BLM: variants seen among roughly 807,000 people sequenced by gnomAD.
BLM encodes BLM RecQ like helicase.
Under a neutral mutation model 135.3 loss-of-function variants are expected in BLM, and 95 were observed. The observed-to-expected ratio is 0.70, with a 90% CI of 0.59 to 0.83. The LOEUF (loss-of-function observed/expected upper bound fraction) is 0.83. Among genes scored for constraint, BLM ranks in the 40% least tolerant of loss-of-function variants. BLM has a pLI of 0.00. For synonymous variants in BLM, 520 were observed against 589.2 expected (o/e 0.88, Z 1.70); for missense variants, 1,518 against 1,663.9 (o/e 0.91, Z 1.53).
chr15:90,760,061 G>T, intron 5 of BLM, 86 bp from the exon 6 acceptor site: 1 of 1,360,710 alleles, frequency 7.3e-7, no homozygotes, highest in Non-Finnish European at 1.0e-6. Flanking sequence ...AAAGGGCTGG[G>T]ATTACAGTCA....
intron 1 of BLM, among the ~76,000 whole-genome samples, chr15:90,737,070 A>C (rs182663739): frequency 2.7e-5 from 4 of 145,502 alleles, no homozygotes; most frequent in Admixed American, 2.7e-4. Flanking sequence ...AATCACCCTG[A>C]AGGTGAGGTG....
chr15:90,815,539 A>G lies in BLM; in HGVS notation c.*260A>G. 1 of 496,306 alleles carries G rather than the reference A, an allele frequency of 2.0e-6. No individual in the cohort carries two copies. Among genetic ancestry groups the G allele is most frequent in the Non-Finnish European group, 3.6e-6 (1 of 279,948 alleles). The allele number at this position is 496,306 out of a possible 1,614,324, so 30.7% of individuals were successfully genotyped here. On this transcript the variant is annotated 3_prime_UTR_variant, in exon 22 of 22. Transcript: ENST00000355112. This position sits in a 1 kb window ranked among gnomAD's most constrained non-coding sequence, Gnocchi z 4.6. ...GGCAGCAGCTGAATCATCTCAGTGC[A>G]AGAGCTTCTGAGCATAACACGAAAC...
intron 12 of BLM, among the ~76,000 whole-genome samples, chr15:90,781,537 A>C (rs1388862747): frequency 6.6e-6 from 1 of 152,136 alleles, no homozygotes; most frequent in African/African-American, 2.4e-5. Flanking sequence ...GAGGCAGGAG[A>C]ATTGCTTGAA....
At chr15:90,720,291 A>C (rs1894731555) in intron 1 of BLM, among the ~76,000 whole-genome samples, 1 of 152,212 alleles carries the variant, frequency 6.6e-6, no homozygotes, top group East Asian at 1.9e-4. Flanking sequence ...GAAAAATACA[A>C]GTTGAAGACA....
chr15:90,720,772 T>C (rs1894743704), intron 1 of BLM, among the ~76,000 whole-genome samples: 1 of 152,128 alleles, frequency 6.6e-6, no homozygotes, highest in Admixed American at 6.6e-5. Context: ...CTTTTGATTT[T>C]TTGTAGAGAT....
In BLM at chr15:90,784,998, G is replaced by A. The variant is rs372013507; in HGVS notation, c.2740G>A (p.Ala914Thr). 100 of 1,614,024 alleles carry A rather than the reference G, an allele frequency of 6.2e-5. No homozygotes were observed. The highest frequency in any genetic ancestry group is 8.1e-5 in the Non-Finnish European group (95 of 1,180,044). The change falls in exon 14 of 22, where the codon GCT (alanine) becomes ACT (threonine). Residue 914 changes from alanine (A) to threonine (T), a missense_variant. Ala to Thr is a moderately conservative substitution (Grantham distance 58). Coordinates refer to ENST00000355112, the MANE Select transcript of BLM (RefSeq NM_000057.4). ...MADTLQRDGL[A>T]ALAYHAGLSD... ...TGACACGTTACAGAGAGATGGGCTC[G>A]CTGCTCTTGCTTACCATGCTGGCCT...
At chr15:90,787,271 T>A (rs1033442137) in intron 14 of BLM, among the ~76,000 whole-genome samples, 2 of 151,684 alleles carry the variant, frequency 1.3e-5, no homozygotes, top group Non-Finnish European at 2.9e-5. Flanking sequence ...GCCAGGAGGG[T>A]CTCGATCTCC....
chr15:90,771,356 G>T (rs532183382), intron 12 of BLM, among the ~76,000 whole-genome samples: 1 of 152,034 alleles, frequency 6.6e-6, no homozygotes, highest in African/African-American at 2.4e-5. Context: ...GCCTACTGGC[G>T]TGCGCCTGTA....
Position 90,785,080 on chromosome 15 carries a change from A to G in BLM, c.2822A>G (p.Gln941Arg), listed in dbSNP as rs762267785. 1.9e-5 allele frequency: 30 copies of G among 1,613,988 alleles called. No individual in the cohort carries two copies. Among genetic ancestry groups the G allele is most frequent in the Non-Finnish European group, 2.5e-5 (29 of 1,179,978 alleles). The change falls in exon 14 of 22, where the codon CAG (glutamine) becomes CGG (arginine). Residue 941 changes from glutamine to arginine, a missense_variant and splice_region_variant. This residue lies in a region of BLM where 626 missense variants were observed against 681.1 expected (regional missense o/e 0.92). Transcript: ENST00000355112. ...QQKWINQDGC[Q>R]VICATIAFGM... Reference sequence around the variant, plus strand: ...AAGTGGATTAATCAGGATGGCTGTCAGGTAACATTTTTAAAGATAAACAAA... The same window carrying G: ...AAGTGGATTAATCAGGATGGCTGTCGGGTAACATTTTTAAAGATAAACAAA...
intron 15 of BLM, among the ~76,000 whole-genome samples, chr15:90,793,039 A>T (rs1231922248): frequency 6.6e-6 from 1 of 152,000 alleles, no homozygotes; most frequent in African/African-American, 2.4e-5. Flanking sequence ...TTAGGCCCAA[A>T]CAATTTAATA....
intron 14 of BLM, among the ~76,000 whole-genome samples, chr15:90,785,998 C>CTTTTT (rs869185558): frequency 4.8e-4 from 53 of 110,702 alleles, no homozygotes; most frequent in South Asian, 1.6e-3. Flanking sequence ...TCGTTTCTTT[C>CTTTTT]TTTTTTTTTT....
chr15:90,752,879 C>G (rs1003068151), intron 4 of BLM, among the ~76,000 whole-genome samples: 1 of 152,146 alleles, frequency 6.6e-6, no homozygotes, highest in Non-Finnish European at 1.5e-5. Context: ...CCAGGTGAAA[C>G]AGCTGAGGCC....
intron 1 of BLM, among the ~76,000 whole-genome samples, chr15:90,729,919 CA>C (rs1168937926): frequency 6.6e-6 from 1 of 152,198 alleles, no homozygotes; most frequent in Non-Finnish European, 1.5e-5. Context: ...GATCTCGGCT[CA>C]CTGCAACCTC....
chr15:90,803,535 A>G lies in BLM; in HGVS notation c.3373A>G (p.Lys1125Glu). 6.2e-7 allele frequency: 1 copy of G among 1,613,732 alleles called. No homozygotes were observed. The highest frequency in any genetic ancestry group is 1.1e-5 in the South Asian group (1 of 91,070). ...CTTCTTATCAGGGAGTAAGAGTGCA[A>G]AAATCCAGTCAGGTATATTTGGAAA... ...VDIFLGSKSA[K>E]IQSGIFGKGS... Residue 1125 changes from lysine (K) to glutamate (E), a missense_variant, in exon 18 of 22, where the codon AAA (lysine) becomes GAA (glutamate). Around this residue, in one of 5 missense-constraint regions of BLM, gnomAD observed 626 missense variants for 681.1 expected, o/e 0.92. Coordinates refer to ENST00000355112, the MANE Select transcript of BLM (RefSeq NM_000057.4).
chr15:90,773,144 G>C (rs558976653), intron 12 of BLM, among the ~76,000 whole-genome samples: 1 of 148,946 alleles, frequency 6.7e-6, no homozygotes, highest in South Asian at 2.1e-4. Flanking sequence ...CAGCAGCCGA[G>C]CGCAGTGGCT....
chr15:90,749,796 C>T lies in BLM; in HGVS notation c.528C>T (p.His176=), dbSNP rs1414955135. ...CATTTGTTACACCACCCCAAAGTCA[C>T]TTTGTAAGAGTAAGCACTGCTCAGA... ...SKSFVTPPQS[H]FVRVSTAQKS... The change falls in exon 3 of 22, where the codon CAC becomes CAT. Residue 176 remains histidine, a synonymous_variant. Coordinates refer to ENST00000355112, the MANE Select transcript of BLM (RefSeq NM_000057.4). 1 of 1,610,516 alleles carries T rather than the reference C, an allele frequency of 6.2e-7. No homozygotes were observed. The highest frequency in any genetic ancestry group is 2.2e-5 in the East Asian group (1 of 44,876).
At chr15:90,725,446 G>A (rs1176931675) in intron 1 of BLM, among the ~76,000 whole-genome samples, 1 of 151,640 alleles carries the variant, frequency 6.6e-6, no homozygotes, top group Non-Finnish European at 1.5e-5. Flanking sequence ...GATTATTAGT[G>A]AAGATGAGTA....
At position 90,803,720 on chromosome 15, in the gene BLM, G is replaced by A; in HGVS notation, c.3558G>A (p.Lys1186=). ...KAQTVLNGNL[K]VDFMETENSS... Reference sequence around the variant, plus strand: ...AAACTGTACTAAATGGCAATTTAAAGGTATAGTATTTTTCATGTTTATTTT... The same window carrying A: ...AAACTGTACTAAATGGCAATTTAAAAGTATAGTATTTTTCATGTTTATTTT... Residue 1186 remains lysine, a splice_region_variant and synonymous_variant, in exon 18 of 22, where the codon AAG becomes AAA. Transcript: ENST00000355112. The A allele has an allele frequency of 1.2e-6, 2 of 1,613,724 alleles. No individual in the cohort carries two copies. Among genetic ancestry groups the A allele is most frequent in the Non-Finnish European group, 1.7e-6 (2 of 1,179,714 alleles).
chr15:90,782,496 G>T (rs530498837), intron 12 of BLM, among the ~76,000 whole-genome samples: 2 of 152,150 alleles, frequency 1.3e-5, no homozygotes, highest in Non-Finnish European at 2.9e-5. Flanking sequence ...TATTTCTCTT[G>T]GTTCTGAAAG....
Sources: allele counts gnomAD v4.1 joint callset (sites outside exome capture counted in the v4.1 genomes callset), GRCh38; gene constraint gnomAD v4.1.1; regional missense constraint gnomAD v4.1.1; non-coding constraint Gnocchi (gnomAD v3.1); transcripts MANE v1.5; gene names NCBI Gene and HGNC (gene_info 2026-07-23, HGNC 2026-07-21).